NAA11: variants seen among roughly 807,000 people sequenced by gnomAD.
The protein encoded by NAA11 is N-alpha-acetyltransferase 11, NatA catalytic subunit.
A neutral mutation model predicts 16.1 loss-of-function variants in NAA11; 15 were observed. The ratio of observed to expected loss-of-function variants is 0.93; its 90% confidence interval spans 0.62 to 1.44. The LOEUF (loss-of-function observed/expected upper bound fraction) is 1.44, where lower values mean the gene tolerates loss of function less well. Ranked by LOEUF, NAA11 falls within the 40% of genes most tolerant of loss-of-function variation. NAA11 has a pLI of 0.00. For missense variants in NAA11, 298 were observed against 291.3 expected (o/e 1.02, Z -0.17); for synonymous variants, 122 against 112.4 (o/e 1.09, Z -0.54).
chr4:79,281,911 C>T (rs1169176649), intron 2 of NAA11, among the ~76,000 whole-genome samples: 1 of 152,064 alleles, frequency 6.6e-6, no homozygotes, highest in Admixed American at 6.6e-5. Context: ...CAAAATAAGG[C>T]AGGTTGGACA....
At chr4:79,225,421 C>T (rs1188974408), downstream of NAA11, among the ~76,000 whole-genome samples, 1 of 152,006 alleles carries the variant, frequency 6.6e-6, no homozygotes, top group Non-Finnish European at 1.5e-5. Context: ...GCTGAGGTGC[C>T]AAGCACTGAA....
downstream of NAA11, among the ~76,000 whole-genome samples, chr4:79,313,666 A>G (rs1723847158): frequency 6.6e-6 from 1 of 152,206 alleles, no homozygotes; most frequent in African/African-American, 2.4e-5. Context: ...TAACCCTTCA[A>G]GTGCACCTCA....
At chr4:79,232,148 G>A (rs1274775758) in intron 2 of NAA11, among the ~76,000 whole-genome samples, 1 of 151,830 alleles carries the variant, frequency 6.6e-6, no homozygotes, top group Non-Finnish European at 1.5e-5. Context: ...GCACAGTATT[G>A]TTGAGGTTTA....
Position 79,322,801 on chromosome 4 carries a change from A to G in NAA11, c.*12+2375T>C, listed in dbSNP as rs1272489332. On this transcript the variant is annotated intron_variant, in intron 1 of 1. Coordinates refer to ENST00000286794, the MANE Select transcript of NAA11 (RefSeq NM_032693.3). ...CTGCCGGCTTTATTTTTTAGAAAAAATGAATCAGTCACTGTGAAACTTTCA... is the reference window on the plus strand; with the variant it reads ...CTGCCGGCTTTATTTTTTAGAAAAAGTGAATCAGTCACTGTGAAACTTTCA... 3.9e-5 allele frequency among the ~76,000 whole-genome samples: 6 copies of G among 152,178 alleles called. No individual in the cohort carries two copies. The East Asian group carries it at 1.2e-3, about 29-fold the overall frequency.
chr4:79,245,753 C>G (rs1233022788), intron 2 of NAA11, among the ~76,000 whole-genome samples: 3 of 151,702 alleles, frequency 2.0e-5, no homozygotes, highest in Non-Finnish European at 4.4e-5. Flanking sequence ...GCAGCCACCC[C>G]CTCTGGGAGG....
chr4:79,238,994 T>C (rs1721631711), intron 2 of NAA11, among the ~76,000 whole-genome samples: 1 of 152,164 alleles, frequency 6.6e-6, no homozygotes, highest in Non-Finnish European at 1.5e-5. Flanking sequence ...AGCTGGTAAA[T>C]TTGCTGTGAT....
intron 2 of NAA11, chr4:79,227,795 C>T (rs1419355705): frequency 2.0e-5 from 3 of 152,010 alleles, no homozygotes; most frequent in Non-Finnish European, 4.4e-5. Flanking sequence ...CACTGACTCA[C>T]ACTGATCTTG....
At chr4:79,203,205 C>T in the NAA11 span, among the ~76,000 whole-genome samples, 1 of 151,586 alleles carries the variant, frequency 6.6e-6, no homozygotes, top group African/African-American at 2.4e-5. Context: ...AGCTGATTTC[C>T]TTTTATTTAT....
chr4:79,196,955 C>CAAAAAAAAAAAAA, the NAA11 span, among the ~76,000 whole-genome samples: 691 of 86,178 alleles, frequency 8.0e-3, no homozygotes, highest in East Asian at 0.019. Flanking sequence ...ATGAAAAAGA[C>CAAAAAAAAAAAAA]AAAAAAAAAA....
chr4:79,190,076 C>G, the NAA11 span, among the ~76,000 whole-genome samples: 1 of 152,140 alleles, frequency 6.6e-6, no homozygotes, highest in African/African-American at 2.4e-5. Flanking sequence ...AAAAAACCCG[C>G]ACAAAGCTAA....
At chr4:79,188,388 A>T in the NAA11 span, among the ~76,000 whole-genome samples, 2 of 152,008 alleles carry the variant, frequency 1.3e-5, no homozygotes, top group Non-Finnish European at 2.9e-5. Flanking sequence ...GATCGAGACC[A>T]TCCTGGCTAA....
chr4:79,252,820 C>G (rs1483370737), intron 2 of NAA11, among the ~76,000 whole-genome samples: 1 of 152,118 alleles, frequency 6.6e-6, no homozygotes, highest in Non-Finnish European at 1.5e-5. Flanking sequence ...CTGAGGGCCA[C>G]AGTGAAGAGT....
At chr4:79,280,135 A>C (rs1560445013) in intron 2 of NAA11, among the ~76,000 whole-genome samples, 1 of 152,150 alleles carries the variant, frequency 6.6e-6, no homozygotes, top group Non-Finnish European at 1.5e-5. Context: ...GCGAGCAAGT[A>C]ATGTTAAGTG....
the NAA11 span, among the ~76,000 whole-genome samples, chr4:79,207,079 A>C: frequency 2.6e-5 from 4 of 152,078 alleles, no homozygotes; most frequent in Non-Finnish European, 5.9e-5. Flanking sequence ...GAATTCATTT[A>C]TCAAGTCTGG....
chr4:79,189,346 G>A, the NAA11 span, among the ~76,000 whole-genome samples: 1 of 151,830 alleles, frequency 6.6e-6, no homozygotes, highest in East Asian at 1.9e-4. Context: ...ACAATGTTGG[G>A]GTGTTTCTAA....
At chr4:79,291,883 C>T (rs1723095614) in intron 2 of NAA11, among the ~76,000 whole-genome samples, 1 of 152,020 alleles carries the variant, frequency 6.6e-6, no homozygotes, top group South Asian at 2.1e-4. Context: ...TAAAATGCTT[C>T]CCCAAAATTT....
chr4:79,170,937 A>C, the NAA11 span, among the ~76,000 whole-genome samples: 1 of 152,166 alleles, frequency 6.6e-6, no homozygotes, highest in Non-Finnish European at 1.5e-5. Context: ...AAAAAACAAA[A>C]AAAAAATATA....
intron 2 of NAA11, among the ~76,000 whole-genome samples, chr4:79,285,808 A>G (rs1234514203): frequency 6.6e-6 from 1 of 152,058 alleles, no homozygotes; most frequent in Non-Finnish European, 1.5e-5. Flanking sequence ...TAGTCACTAT[A>G]GTAAATTTTA....
intron 1 of NAA11, among the ~76,000 whole-genome samples, chr4:79,296,124 G>A (rs1467746393): frequency 6.6e-6 from 1 of 152,200 alleles, no homozygotes; most frequent in Non-Finnish European, 1.5e-5. Context: ...CTGTGTGGAA[G>A]TGGAAGTAGA....
Sources: gnomAD v4.1 joint callset for allele counts (sites outside exome capture counted in the v4.1 genomes callset) on GRCh38, gnomAD v4.1.1 for gene constraint, MANE v1.5 for transcripts, NCBI Gene and HGNC (gene_info 2026-07-23, HGNC 2026-07-21) for gene names.